Variants in AATF observed in about 807,000 individuals in gnomAD.
AATF encodes the protein apoptosis antagonizing transcription factor, also known as protein AATF.
A neutral mutation model predicts 63.7 loss-of-function variants in AATF; 48 were observed. The observed-to-expected ratio is 0.75, with a 90% confidence interval of 0.60 to 0.96. AATF has a LOEUF of 0.96. Among genes scored for constraint, AATF ranks in the 40% least tolerant of loss-of-function variants. AATF has a pLI of 0.00. For synonymous variants in AATF, 258 were observed against 247.7 expected, an observed-to-expected ratio of 1.04 and a Z score of -0.39; for missense variants, 639 against 685.7, an observed-to-expected ratio of 0.93 and a Z score of 0.76.
chr17:37,043,453 C>A (rs185570438), intron 11 of AATF, among the ~76,000 whole-genome samples: 1 of 152,252 alleles, frequency 6.6e-6, no homozygotes, highest in Admixed American at 6.5e-5. Flanking sequence ...ACTGAGCTTT[C>A]TTCTTTGAAC....
chr17:37,013,613 A>C (rs1183480114), intron 8 of AATF, among the ~76,000 whole-genome samples: 1 of 134,170 alleles, frequency 7.5e-6, no homozygotes, highest in Admixed American at 6.8e-5. Flanking sequence ...CACTCCCCAC[A>C]ACCAAGGGAG....
chr17:37,051,998 C>T lies in AATF; in HGVS notation c.1620-4603C>T, dbSNP rs530156450. ...TAATTCAAGGAAGAGCCCCTGCTAT[C>T]GACCTTCTACCTCAGGTCCAAGTCC... On this transcript the variant is annotated intron_variant, in intron 11 of 11. Transcript: ENST00000619387. Among the ~76,000 whole-genome samples the T allele has an allele frequency of 2.6e-4, 39 of 152,228 alleles. 2 individuals carry two copies. The highest frequency in any genetic ancestry group is 9.2e-4 in the African/African-American group (38 of 41,530).
chr17:37,054,611 C>T (rs1025224462), intron 11 of AATF: 1 of 152,246 alleles, frequency 6.6e-6, no homozygotes, highest in Non-Finnish European at 1.5e-5. Flanking sequence ...CAGCATTTCA[C>T]TCTCTGCTCC....
intron 11 of AATF, among the ~76,000 whole-genome samples, chr17:37,046,767 A>ACACACG (rs1555655374): frequency 2.0e-5 from 3 of 150,650 alleles, no homozygotes; most frequent in Non-Finnish European, 4.4e-5. Context: ...ACACACACAC[A>ACACACG]CACGCATGCA....
At chr17:36,988,417 C>A in intron 5 of AATF, 102 bp from the exon 6 acceptor site, 1 of 1,085,354 alleles carries the variant, frequency 9.2e-7, no homozygotes, top group Non-Finnish European at 1.3e-6. Flanking sequence ...GGAGACAGAA[C>A]AGGTAAGGCC....
rs1023082055 is a variant in AATF, at chr17:37,028,087, A to G, written c.1548-3527A>G. Reference sequence around the variant, plus strand: ...TTGACTCAGTCAAGTTTACATATACATACCTTTCAACTCAGCAATTTCACA... The same window carrying G: ...TTGACTCAGTCAAGTTTACATATACGTACCTTTCAACTCAGCAATTTCACA... On this transcript the variant is annotated intron_variant, in intron 10 of 11. Transcript: ENST00000619387. Among the ~76,000 whole-genome samples, 19 of 152,212 alleles carry G rather than the reference A, an allele frequency of 1.2e-4. 1 individual carries two copies. Among genetic ancestry groups the G allele is most frequent in the Admixed American group, 5.9e-4 (9 of 15,288 alleles).
intron 8 of AATF, among the ~76,000 whole-genome samples, chr17:37,003,141 C>T (rs2071314884): frequency 6.6e-6 from 1 of 152,076 alleles, no homozygotes; most frequent in African/African-American, 2.4e-5. Flanking sequence ...GGAAGTTAAC[C>T]TTTACATTTA....
At chr17:36,954,080 T>C (rs1288296268) in intron 4 of AATF, among the ~76,000 whole-genome samples, 173 bp downstream of exon 4, 4 of 149,828 alleles carry the variant, frequency 2.7e-5, no homozygotes, top group African/African-American at 7.4e-5. Flanking sequence ...TTTTTTTTTT[T>C]TTTTTGAGAC....
intron 10 of AATF, among the ~76,000 whole-genome samples, chr17:37,030,303 T>G (rs950082084): frequency 6.6e-6 from 1 of 152,228 alleles, no homozygotes; most frequent in East Asian, 1.9e-4. Flanking sequence ...GAGGCTGAGC[T>G]GTGGGTGATA....
At chr17:36,959,250 C>G (rs1374828430) in intron 4 of AATF, among the ~76,000 whole-genome samples, 1 of 152,196 alleles carries the variant, frequency 6.6e-6, no homozygotes, top group Non-Finnish European at 1.5e-5. Context: ...TCAAGACCAG[C>G]CTGGCCAACA....
intron 4 of AATF, among the ~76,000 whole-genome samples, chr17:36,967,632 C>CA (rs2071001333): frequency 6.6e-6 from 1 of 151,828 alleles, no homozygotes; most frequent in Non-Finnish European, 1.5e-5. Context: ...ATCTCCTATT[C>CA]CAGAGTCTTT....
At chr17:37,002,649 G>A (rs1773472601) in intron 8 of AATF, among the ~76,000 whole-genome samples, 1 of 151,264 alleles carries the variant, frequency 6.6e-6, no homozygotes, top group Non-Finnish European at 1.5e-5. Context: ...TCCAGCCTGG[G>A]TGAAAGAGCA....
intron 4 of AATF, among the ~76,000 whole-genome samples, chr17:36,955,914 CA>C (rs1224529562): frequency 6.6e-6 from 1 of 152,086 alleles, no homozygotes; most frequent in African/African-American, 2.4e-5. Context: ...AGGCATGAGC[CA>C]CCATGCCCGA....
At chr17:36,981,702 CTTTTTTTT>C (rs71368433) in intron 4 of AATF, among the ~76,000 whole-genome samples, 1 of 110,480 alleles carries the variant, frequency 9.1e-6, no homozygotes, top group East Asian at 2.5e-4. Context: ...TCTTTCTTTT[CTTTTTTTT>C]TTTTTTTTTG....
At chr17:36,986,474 GAGTATTT>G in intron 4 of AATF, 136 bp from the exon 5 acceptor site, 1 of 636,572 alleles carries the variant, frequency 1.6e-6, no homozygotes, top group Admixed American at 2.8e-5. Flanking sequence ...ATATTTCAGA[GAGTATTT>G]AGTTCCTGTG....
intron 4 of AATF, among the ~76,000 whole-genome samples, chr17:36,976,549 A>C (rs184447700): frequency 1.3e-5 from 2 of 152,324 alleles, no homozygotes; most frequent in African/African-American, 4.8e-5. Context: ...TGAAATGCAC[A>C]TGTAAAAAGT....
chr17:37,022,092 A>G (rs1023195377), intron 10 of AATF, among the ~76,000 whole-genome samples: 1 of 150,852 alleles, frequency 6.6e-6, no homozygotes, highest in African/African-American at 2.4e-5. Context: ...ACCTCGCTAT[A>G]CTTTTAGACT....
Position 36,961,848 on chromosome 17 carries a change from T to C in AATF, c.832+7941T>C, listed in dbSNP as rs9330244. Among the ~76,000 whole-genome samples, 735 of 152,254 alleles carry C rather than the reference T, an allele frequency of 4.8e-3. 10 individuals carry two copies. The highest frequency in any genetic ancestry group is 0.017 in the African/African-American group (700 of 41,540). On this transcript the variant is annotated intron_variant, in intron 4 of 11. Transcript: ENST00000619387. Reference sequence around the variant, plus strand: ...CACCACCGTGCCTGGCTAATTTTTGTGTTTTTGGTAGAGACTGGGTTTCAC... The same window carrying C: ...CACCACCGTGCCTGGCTAATTTTTGCGTTTTTGGTAGAGACTGGGTTTCAC...
chr17:36,970,651 C>T (rs1017966881), intron 4 of AATF, among the ~76,000 whole-genome samples: 2 of 151,654 alleles, frequency 1.3e-5, no homozygotes, highest in South Asian at 2.1e-4. Context: ...GCAGTCTTCC[C>T]ACCCTAACCT....
Sources: allele counts gnomAD v4.1 joint callset (sites outside exome capture counted in the v4.1 genomes callset), GRCh38; gene constraint gnomAD v4.1.1; transcripts MANE v1.5; gene names NCBI Gene and HGNC (gene_info 2026-07-23, HGNC 2026-07-21).